Variants in LIPJ observed in about 807,000 individuals in gnomAD.
LIPJ encodes lipase member J.
Under a neutral mutation model 39.8 loss-of-function variants are expected in LIPJ, and 33 were observed. The observed-to-expected ratio is 0.83, with a 90% CI of 0.63 to 1.11. The LOEUF (loss-of-function observed/expected upper bound fraction) is 1.11. Among genes scored for constraint, LIPJ ranks in the 50% least tolerant of loss-of-function variants. The pLI is 0.00. For missense variants in LIPJ, 422 were observed against 427.9 expected (o/e 0.99, Z 0.12); for synonymous variants, 128 against 139.2 (o/e 0.92, Z 0.57).
chr10:88,584,215 G>A (rs765989626), upstream of LIPJ: 2 of 151,888 alleles, frequency 1.3e-5, no homozygotes, highest in Non-Finnish European at 2.9e-5. Flanking sequence ...AATGGGTGAC[G>A]AATTAATACT....
chr10:88,609,634 C>T (rs906306339), downstream of LIPJ, among the ~76,000 whole-genome samples: 4 of 152,178 alleles, frequency 2.6e-5, no homozygotes, highest in South Asian at 2.1e-4. Flanking sequence ...GGTGCAGTGG[C>T]GCACGCCTGT....
rs571487401 is a variant in LIPJ at position 88,599,692 on chromosome 10, C to T, written c.723+2756C>T. Among the ~76,000 whole-genome samples, 1,358 of 149,726 alleles carry T rather than the reference C, an allele frequency of 9.1e-3. 28 individuals are homozygous for T. Among genetic ancestry groups the T allele is most frequent in the South Asian group, 0.084 (398 of 4,734 alleles). On this transcript the variant is annotated intron_variant, in intron 8 of 10. Transcript: ENST00000371939. ...ATTTATATATACATACATATATACA[C>T]ACACACACACACACACACATATATA... is the stretch of plus-strand genomic sequence containing the variant.
intron 4 of LIPJ, chr10:88,592,716 G>C (rs1429251584): frequency 2.0e-5 from 3 of 151,748 alleles, no homozygotes; most frequent in African/African-American, 7.3e-5. Flanking sequence ...TTCCAATTTG[G>C]CCATGGGCAA....
the LIPJ span, among the ~76,000 whole-genome samples, chr10:88,621,059 C>T: frequency 0.48 from 73,460 of 151,944 alleles, 18,035 homozygotes; most frequent in African/African-American, 0.57. Flanking sequence ...AAACGCCCCA[C>T]GTCCAAATAG....
intron 9 of LIPJ, among the ~76,000 whole-genome samples, chr10:88,604,830 T>A (rs1383826985): frequency 6.6e-6 from 1 of 152,100 alleles, no homozygotes; most frequent in Non-Finnish European, 1.5e-5. Flanking sequence ...ATAAATGACA[T>A]GTAAAGCCAA....
chr10:88,590,674 A>G (rs1175427937), exon 3 of LIPJ: 15 of 1,587,196 alleles, frequency 9.5e-6, no homozygotes, highest in Admixed American at 3.4e-5. Flanking sequence ...AGATCTGTGA[A>G]ACCTGAAGCA....
chr10:88,613,800 ATGTGTGTGTGTG>A, the LIPJ span, among the ~76,000 whole-genome samples: 19 of 74,120 alleles, frequency 2.6e-4, no homozygotes, highest in Non-Finnish European at 4.5e-4. Context: ...ATATATATAT[ATGTGTGTGTGTG>A]TGTGTATATA....
chr10:88,606,762 A>T (rs1405364088), exon 11 of LIPJ: 1 of 1,613,488 alleles, frequency 6.2e-7, no homozygotes, highest in African/African-American at 1.3e-5. Context: ...GACCCTGAAG[A>T]CGTTAACATT....
chr10:88,596,243 A>C, intron 6 of LIPJ, 37 bp from the exon 7 acceptor site: 1 of 1,246,734 alleles, frequency 8.0e-7, no homozygotes. Context: ...TAATTGCTTA[A>C]GAATAGCTTA....
At chr10:88,619,197 C>A in the LIPJ span, among the ~76,000 whole-genome samples, 22 of 117,824 alleles carry the variant, frequency 1.9e-4, no homozygotes, top group African/African-American at 8.1e-4. Flanking sequence ...TCACAATAAA[C>A]CTTGCTACTG....
chr10:88,587,118 C>T (rs1280833129), intron 1 of LIPJ, 148 bp from the exon 2 acceptor site: 1 of 151,860 alleles, frequency 6.6e-6, no homozygotes. Context: ...GGGAAACTAT[C>T]ACTAACAACC....
At chr10:88,605,450 C>T (rs529814606) in intron 9 of LIPJ, among the ~76,000 whole-genome samples, 183 bp from the exon 10 acceptor site, 4 of 152,212 alleles carry the variant, frequency 2.6e-5, no homozygotes, top group South Asian at 2.1e-4. Flanking sequence ...GATTCCCCTG[C>T]CCCCATCTCC....
chr10:88,594,067 G>T (rs1281128751), exon 5 of LIPJ: 1 of 1,612,152 alleles, frequency 6.2e-7, no homozygotes, highest in Non-Finnish European at 8.5e-7. Context: ...ATGTGTGGAT[G>T]GGAAATAGCA....
intron 9 of LIPJ, 106 bp from the exon 10 acceptor site, chr10:88,605,527 C>G: frequency 1.3e-6 from 1 of 748,836 alleles, no homozygotes; most frequent in Non-Finnish European, 2.3e-6. Flanking sequence ...GCATAAATAC[C>G]AGCAGACCCA....
Position 88,596,265 on chromosome 10 carries a change from CTTATT to C in LIPJ, c.440-6_440-2del, listed in dbSNP as rs138536061. On this transcript the variant is annotated splice_polypyrimidine_tract_variant and intron_variant, in intron 6 of 10. Transcript: ENST00000371939. Reference sequence around the variant, plus strand: ...TTAAGAATAGCTTACTAATTTATATCTTATTTTATTTTAGGTTTCATAACATTTTC... The same window carrying C: ...TTAAGAATAGCTTACTAATTTATATCTTATTTTAGGTTTCATAACATTTTC... The C allele has an allele frequency of 0.039, 50,797 of 1,309,758 alleles. 1,065 individuals carry two copies. Among genetic ancestry groups the C allele is most frequent in the Middle Eastern group, 0.059 (262 of 4,450 alleles). 81.1% of individuals were successfully genotyped at this position (1,309,758 alleles called of 1,614,324 possible). A position where few individuals can be genotyped will look rare whatever the true frequency, so the allele number is the denominator to read the frequency against.
At chr10:88,591,288 C>G (rs1410776626) in intron 3 of LIPJ, 90 bp from the exon 4 acceptor site, 1 of 924,134 alleles carries the variant, frequency 1.1e-6, no homozygotes, top group African/African-American at 1.7e-5. Flanking sequence ...TACCAAGGTT[C>G]ATTGTCACAT....
chr10:88,617,813 C>T, the LIPJ span, among the ~76,000 whole-genome samples: 1 of 152,170 alleles, frequency 6.6e-6, no homozygotes, highest in Admixed American at 6.5e-5. Flanking sequence ...GAAATGGGAA[C>T]AGCTTTAAAA....
chr10:88,594,705 T>C, exon 6 of LIPJ: 3 of 1,567,496 alleles, frequency 1.9e-6, no homozygotes, highest in Middle Eastern at 1.7e-4. Flanking sequence ...CCAGCCTCTA[T>C]TGATTTCACT....
exon 5 of LIPJ, chr10:88,593,986 A>C: frequency 1.9e-6 from 3 of 1,612,340 alleles, no homozygotes; most frequent in Non-Finnish European, 2.5e-6. Context: ...GTTTGCTTAC[A>C]TCTGCCAGCA....
Sources: gnomAD v4.1 joint callset for allele counts (sites outside exome capture counted in the v4.1 genomes callset) on GRCh38, gnomAD v4.1.1 for gene constraint, MANE v1.5 for transcripts, NCBI Gene and HGNC (gene_info 2026-07-23, HGNC 2026-07-21) for gene names.